Variants in FNBP1 observed in about 807,000 individuals in gnomAD.
The protein encoded by FNBP1 is formin binding protein 1, also known as formin-binding protein 1.
A neutral mutation model predicts 90.6 loss-of-function variants in FNBP1; 26 were observed. That is an observed-to-expected ratio of 0.29 (90% confidence interval 0.21 to 0.40). The LOEUF (loss-of-function observed/expected upper bound fraction) is 0.40, where lower values mean the gene tolerates loss of function less well. FNBP1 is among the 10% of genes least tolerant of loss of function. The pLI is 1.00. For synonymous variants in FNBP1, 260 were observed against 265.2 expected, an observed-to-expected ratio of 0.98 and a Z score of 0.19; for missense variants, 635 against 768.0, an observed-to-expected ratio of 0.83 and a Z score of 2.05.
rs1480158740 is a variant in FNBP1 at position 129,890,353 on chromosome 9, G to A, written c.*186C>T. The A allele has an allele frequency of 1.6e-6, 1 of 609,818 alleles. No individual in the cohort carries two copies. The highest frequency in any genetic ancestry group is 1.9e-5 in the African/African-American group (1 of 53,718). The allele number at this position is 609,818 out of a possible 1,614,324, so 37.8% of individuals were successfully genotyped here. A position where few individuals can be genotyped will look rare whatever the true frequency, so the allele number is the denominator to read the frequency against. On this transcript the variant is annotated 3_prime_UTR_variant, in exon 17 of 17. Coordinates refer to ENST00000446176, the MANE Select transcript of FNBP1 (RefSeq NM_015033.3). The surrounding 1 kb of genome is among the most constrained non-coding windows in gnomAD (Gnocchi z 5.8). ...CGCTGGCGAGACTTGTCCCCCACGA[G>A]GTGGCCCGGGCTGGGCGGGAGGGCA...
intron 11 of FNBP1, among the ~76,000 whole-genome samples, chr9:129,911,157 C>A (rs1004594715): frequency 5.9e-5 from 9 of 152,154 alleles, no homozygotes; most frequent in Non-Finnish European, 1.0e-4. Flanking sequence ...CCACCATGCG[C>A]GGCCTCTTGC....
chr9:130,052,782 G>T, the FNBP1 span, among the ~76,000 whole-genome samples: 1 of 151,810 alleles, frequency 6.6e-6, no homozygotes, highest in Non-Finnish European at 1.5e-5. Context: ...TAAAACCAGA[G>T]ATTTTCAAAG....
the FNBP1 span, among the ~76,000 whole-genome samples, chr9:130,049,925 G>A: frequency 6.6e-6 from 1 of 152,010 alleles, no homozygotes; most frequent in Non-Finnish European, 1.5e-5. Flanking sequence ...TGCCCAGACT[G>A]GAGTGCAGTG....
intron 10 of FNBP1, 57 bp from the exon 11 acceptor site, chr9:129,916,037 A>AG (rs1458605020): frequency 7.6e-7 from 1 of 1,310,002 alleles, no homozygotes; most frequent in Non-Finnish European, 1.1e-6. Context: ...AGAGAGAAAG[A>AG]GAAAAAAAAA....
chr9:129,967,318 T>TCA (rs2048771267), intron 4 of FNBP1, among the ~76,000 whole-genome samples: 1 of 152,126 alleles, frequency 6.6e-6, no homozygotes, highest in East Asian at 1.9e-4. Context: ...GACTCCGGGA[T>TCA]CAGCCTGGCC....
At chr9:129,893,995 A>G (rs2035401169) in intron 16 of FNBP1, among the ~76,000 whole-genome samples, 1 of 151,950 alleles carries the variant, frequency 6.6e-6, no homozygotes, top group South Asian at 2.1e-4. Context: ...ATCTTGAAAC[A>G]CGGCCCCTAG....
chr9:129,940,626 A>G (rs2132313746), intron 6 of FNBP1, among the ~76,000 whole-genome samples: 1 of 148,946 alleles, frequency 6.7e-6, no homozygotes, highest in East Asian at 1.9e-4. Flanking sequence ...ATATATATAT[A>G]CATATATATA....
chr9:130,011,215 CAAAAAAAAAAAAA>C (rs1192541205), intron 1 of FNBP1, among the ~76,000 whole-genome samples: 717 of 13,364 alleles, frequency 0.054, 5 homozygotes, highest in Non-Finnish European at 0.069. Context: ...GACTCCATCT[CAAAAAAAAAAAAA>C]AAAAAAAAAA....
intron 6 of FNBP1, among the ~76,000 whole-genome samples, chr9:129,935,170 C>G (rs2043242801): frequency 7.0e-6 from 1 of 143,084 alleles, no homozygotes; most frequent in Non-Finnish European, 1.5e-5. Flanking sequence ...GTTACCCAGA[C>G]TGGAGTGCAG....
In FNBP1 at chr9:130,031,228, A is replaced by G. The variant is rs1186091257; in HGVS notation, c.24+11724T>C. ...TGAAACCCACTCCAGTAATCCAGTC[A>G]GCCAATCGGCCCAGCGTGGCCTGAA... is the stretch of plus-strand genomic sequence containing the variant. On this transcript the variant is annotated intron_variant, in intron 1 of 16. Transcript: ENST00000446176. The surrounding 1 kb of genome is among the most constrained non-coding windows in gnomAD (Gnocchi z 4.2). 6.6e-6 allele frequency among the ~76,000 whole-genome samples: 1 copy of G among 152,252 alleles called. No individual in the cohort carries two copies.
In FNBP1 at chr9:130,041,290, TCAC is replaced by T. The variant is rs2132437195; in HGVS notation, c.24+1659_24+1661del. On this transcript the variant is annotated intron_variant, in intron 1 of 16. Transcript: ENST00000446176. This position sits in a 1 kb window ranked among gnomAD's most constrained non-coding sequence, Gnocchi z 4.3. ...TCTTTGGAATTATATTCTATCCCAT[TCAC>T]CAACATCACTGAACTGTCCACCAAG... Among the ~76,000 whole-genome samples, 1 of 152,314 alleles carries T rather than the reference TCAC, an allele frequency of 6.6e-6. No individual in the cohort carries two copies. The highest frequency in any genetic ancestry group is 2.1e-4 in the South Asian group (1 of 4,826).
rs2056812604 is a variant in FNBP1 at position 130,012,971 on chromosome 9, G to A, written c.25-18013C>T. On this transcript the variant is annotated intron_variant, in intron 1 of 16. Coordinates refer to ENST00000446176, the MANE Select transcript of FNBP1 (RefSeq NM_015033.3). ...ATTTTTAAACAAGACATCAAAAAGTGTACACCATAATGAAAAAAGTCAATA... is the reference window on the plus strand; with the variant it reads ...ATTTTTAAACAAGACATCAAAAAGTATACACCATAATGAAAAAAGTCAATA... Among the ~76,000 whole-genome samples, 3 of 151,852 alleles carry A rather than the reference G, an allele frequency of 2.0e-5. No individual in the cohort carries two copies. In the South Asian group the frequency reaches 6.2e-4, roughly 32 times the overall value.
intron 10 of FNBP1, among the ~76,000 whole-genome samples, chr9:129,921,575 G>A (rs2041116254): frequency 6.6e-6 from 1 of 151,904 alleles, no homozygotes; most frequent in African/African-American, 2.4e-5. Flanking sequence ...ACCATGCCCG[G>A]CTAATTTTTG....
rs1317116665 is a variant in FNBP1, at chr9:129,888,463, A to C, written c.*2076T>G. 7 of 232,108 alleles carry C rather than the reference A, an allele frequency of 3.0e-5. No individual in the cohort carries two copies. The Admixed American group carries it at 4.0e-4, about 13-fold the overall frequency. The allele number at this position is 232,108 out of a possible 1,614,324, so 14.4% of individuals were successfully genotyped here. On this transcript the variant is annotated 3_prime_UTR_variant, in exon 17 of 17. Coordinates refer to ENST00000446176, the MANE Select transcript of FNBP1 (RefSeq NM_015033.3). The stretch of plus-strand genomic sequence containing the variant: ...TTGCAGGGACAGAGGTGCGGCCCTG[A>C]CTCTTCTCACCCTGTGTCATCCGGG...
chr9:129,933,913 C>A (rs1296345606), intron 6 of FNBP1, among the ~76,000 whole-genome samples: 3 of 152,152 alleles, frequency 2.0e-5, no homozygotes. Flanking sequence ...TAGGAATGCA[C>A]CATTGTTCTA....
chr9:129,923,702 A>T, intron 10 of FNBP1, 142 bp downstream of exon 10: 1 of 946,052 alleles, frequency 1.1e-6, no homozygotes, highest in East Asian at 3.3e-5. Flanking sequence ...TCTAGCTATA[A>T]TGGTTTTTGT....
chr9:130,001,658 G>A (rs2054870014), intron 1 of FNBP1, among the ~76,000 whole-genome samples: 1 of 151,586 alleles, frequency 6.6e-6, no homozygotes, highest in African/African-American at 2.4e-5. Flanking sequence ...GAGGCAGGTG[G>A]CTCACCTGAG....
chr9:129,958,329 G>A (rs1241525519), intron 5 of FNBP1, among the ~76,000 whole-genome samples, 162 bp downstream of exon 5: 1 of 152,118 alleles, frequency 6.6e-6, no homozygotes, highest in Non-Finnish European at 1.5e-5. Context: ...CTACTTGGGA[G>A]GCTGAGGCAG....
chr9:130,048,918 C>T, the FNBP1 span, among the ~76,000 whole-genome samples: 1 of 151,640 alleles, frequency 6.6e-6, no homozygotes, highest in Admixed American at 6.6e-5. Context: ...GTAGCTGGGA[C>T]TACAGGCGCC....
Sources: allele counts gnomAD v4.1 joint callset (sites outside exome capture counted in the v4.1 genomes callset), GRCh38; gene constraint gnomAD v4.1.1; non-coding constraint Gnocchi (gnomAD v3.1); transcripts MANE v1.5; gene names NCBI Gene and HGNC (gene_info 2026-07-23, HGNC 2026-07-21).